Variants in FHIP1A observed in about 807,000 individuals in gnomAD.
FHIP1A encodes FHF complex subunit HOOK-interacting protein 1A.
FHIP1A carries 61 observed loss-of-function variants against 88.6 expected under a neutral mutation model. The ratio of observed to expected loss-of-function variants is 0.69; its 90% CI spans 0.56 to 0.85. FHIP1A has a LOEUF of 0.85. Among genes scored for constraint, FHIP1A ranks in the 40% least tolerant of loss-of-function variants. The pLI is 0.00. For missense variants in FHIP1A, 1,154 were observed against 1,273.5 expected (o/e 0.91, Z 1.43); for synonymous variants, 478 against 496.0 (o/e 0.96, Z 0.48).
At position 151,568,531 on chromosome 4, in the gene FHIP1A, G is replaced by T. The variant is rs548967105; in HGVS notation, c.105+2167G>T. ...GCTGGTTGAAGAAATCTATGTGAAT[G>T]TAAAAGTGTTATTGTTCAATGGAGA... is the stretch of plus-strand genomic sequence containing the variant. On this transcript the variant is annotated intron_variant, in intron 4 of 13. Coordinates refer to ENST00000435205, the MANE Select transcript of FHIP1A (RefSeq NM_001109977.3). Among the ~76,000 whole-genome samples, 7 of 152,286 alleles carry T rather than the reference G, an allele frequency of 4.6e-5. No individual in the cohort carries two copies. The South Asian group carries it at 1.0e-3, about 23-fold the overall frequency.
At chr4:151,454,131 A>G (rs903590870) in intron 1 of FHIP1A, among the ~76,000 whole-genome samples, 1 of 150,650 alleles carries the variant, frequency 6.6e-6, no homozygotes, top group Non-Finnish European at 1.5e-5. Flanking sequence ...GCTTTCAGGT[A>G]TAATACAATG....
chr4:151,528,442 A>G (rs933879651), intron 3 of FHIP1A, among the ~76,000 whole-genome samples: 1 of 152,224 alleles, frequency 6.6e-6, no homozygotes, highest in African/African-American at 2.4e-5. Context: ...TATTTAAACC[A>G]GAAAACACGA....
chr4:151,453,782 G>A (rs745670680), intron 1 of FHIP1A, among the ~76,000 whole-genome samples: 1 of 151,842 alleles, frequency 6.6e-6, no homozygotes, highest in African/African-American at 2.4e-5. Flanking sequence ...CGGAGGTGGC[G>A]GTTTTTGAAC....
intron 7 of FHIP1A, among the ~76,000 whole-genome samples, chr4:151,623,356 C>G (rs922105876): frequency 5.9e-5 from 9 of 152,086 alleles, no homozygotes; most frequent in Admixed American, 1.3e-4. Flanking sequence ...TCAAAATCTT[C>G]TGATTCTATA....
At chr4:151,574,973 T>C (rs1360655251) in intron 4 of FHIP1A, among the ~76,000 whole-genome samples, 1 of 152,168 alleles carries the variant, frequency 6.6e-6, no homozygotes, top group Non-Finnish European at 1.5e-5. Flanking sequence ...GGTTGTTTCC[T>C]TGGGGCATTT....
At chr4:151,662,353 C>A (rs1737490326) in intron 13 of FHIP1A, 148 bp from the exon 14 acceptor site, 2 of 754,290 alleles carry the variant, frequency 2.7e-6, no homozygotes, top group Admixed American at 3.5e-5. Flanking sequence ...TGCACAAGGG[C>A]TGCATCTTCA....
intron 1 of FHIP1A, among the ~76,000 whole-genome samples, chr4:151,445,273 C>T (rs139342036): frequency 2.8e-4 from 42 of 152,066 alleles, no homozygotes; most frequent in African/African-American, 9.4e-4. Context: ...GCATAGGAAC[C>T]TCAGTCTTGG....
intron 3 of FHIP1A, among the ~76,000 whole-genome samples, chr4:151,527,031 C>T (rs796476894): frequency 6.6e-6 from 1 of 151,190 alleles, no homozygotes; most frequent in Non-Finnish European, 1.5e-5. Context: ...ACACTCCTCA[C>T]TTTCCAGACT....
chr4:151,517,915 C>G (rs999136229), intron 3 of FHIP1A, among the ~76,000 whole-genome samples: 1 of 151,662 alleles, frequency 6.6e-6, no homozygotes, highest in Non-Finnish European at 1.5e-5. Flanking sequence ...TACAGAGAGT[C>G]AAAAAGTTCA....
At chr4:151,414,488 T>C (rs1055596558) in intron 1 of FHIP1A, among the ~76,000 whole-genome samples, 1 of 152,244 alleles carries the variant, frequency 6.6e-6, no homozygotes, top group Non-Finnish European at 1.5e-5. Flanking sequence ...ACCCTTTTGT[T>C]GTTAATTCTG....
intron 1 of FHIP1A, among the ~76,000 whole-genome samples, chr4:151,429,959 G>C (rs1367629877): frequency 6.6e-6 from 1 of 151,724 alleles, no homozygotes; most frequent in Admixed American, 6.6e-5. Context: ...ATTTGCCACA[G>C]TTGAAAATTT....
chr4:151,429,441 G>A (rs543195947), intron 1 of FHIP1A, among the ~76,000 whole-genome samples: 6 of 152,296 alleles, frequency 3.9e-5, no homozygotes, highest in African/African-American at 1.4e-4. Context: ...CATCTAGGGA[G>A]GTTACCTCCT....
chr4:151,593,397 A>G (rs905044979), intron 7 of FHIP1A, among the ~76,000 whole-genome samples: 2 of 152,210 alleles, frequency 1.3e-5, no homozygotes, highest in Admixed American at 6.5e-5. Flanking sequence ...ATCCATGAGC[A>G]TAGAATGTTT....
chr4:151,666,372 G>A lies in FHIP1A; in HGVS notation c.*3618G>A, dbSNP rs987450568. On this transcript the variant is annotated 3_prime_UTR_variant, in exon 14 of 14. Coordinates refer to ENST00000435205, the MANE Select transcript of FHIP1A (RefSeq NM_001109977.3). ...GTATCATTTTGGAAAATGCTTTGAT[G>A]TGCTCGGGTTGGAGTGGATGTCTGT... Among the ~76,000 whole-genome samples, 1 of 152,164 alleles carries A rather than the reference G, an allele frequency of 6.6e-6. No homozygotes were observed. The highest frequency in any genetic ancestry group is 1.5e-5 in the Non-Finnish European group (1 of 68,038).
rs139953817 is a variant in FHIP1A at position 151,447,287 on chromosome 4, G to C, written c.-355-7414G>C. ...CCAAATGTTAATTCAAGGTATTGAT[G>C]TATGGTAACTAGCAATATGTCTTTT... On this transcript the variant is annotated intron_variant, in intron 1 of 13. Coordinates refer to ENST00000435205, the MANE Select transcript of FHIP1A (RefSeq NM_001109977.3). 3.7e-4 allele frequency among the ~76,000 whole-genome samples: 56 copies of C among 152,316 alleles called. 1 individual carries two copies. The highest frequency in any genetic ancestry group is 5.2e-4 in the Admixed American group (8 of 15,288).
At chr4:151,465,966 C>G (rs1729297801) in intron 2 of FHIP1A, among the ~76,000 whole-genome samples, 1 of 152,022 alleles carries the variant, frequency 6.6e-6, no homozygotes, top group Non-Finnish European at 1.5e-5. Flanking sequence ...TGGCACATGA[C>G]AAGGATGGCC....
In FHIP1A at chr4:151,512,491, A is replaced by T. The variant is rs925000503; in HGVS notation, c.-123+29843A>T. Among the ~76,000 whole-genome samples, 37 of 152,356 alleles carry T rather than the reference A, an allele frequency of 2.4e-4. No homozygotes were observed. In the Middle Eastern group the frequency reaches 0.01, roughly 42 times the overall value. On this transcript the variant is annotated intron_variant, in intron 3 of 13. Transcript: ENST00000435205. The stretch of plus-strand genomic sequence containing the variant: ...AGTTGAGAGAAGAAGGCTTCAGATG[A>T]TCAAACTACTCCGAGCTACAGGAGG...
At chr4:151,431,365 G>A (rs1009933281) in intron 1 of FHIP1A, among the ~76,000 whole-genome samples, 2 of 152,122 alleles carry the variant, frequency 1.3e-5, no homozygotes, top group Non-Finnish European at 2.9e-5. Context: ...CATTTTGACT[G>A]AGATGATGCG....
At chr4:151,544,771 A>C (rs1732424151) in intron 3 of FHIP1A, among the ~76,000 whole-genome samples, 1 of 152,162 alleles carries the variant, frequency 6.6e-6, no homozygotes, top group Non-Finnish European at 1.5e-5. Context: ...TTGCCTCTGG[A>C]ACCAGTTCTC....
Sources: gnomAD v4.1 joint callset for allele counts (sites outside exome capture counted in the v4.1 genomes callset) on GRCh38, gnomAD v4.1.1 for gene constraint, MANE v1.5 for transcripts, NCBI Gene and HGNC (gene_info 2026-07-23, HGNC 2026-07-21) for gene names.